Variants in KCP observed in about 807,000 individuals in gnomAD.
The protein encoded by KCP is kielin/chordin-like protein.
A neutral mutation model predicts 212.7 loss-of-function variants in KCP; 194 were observed. That is an observed-to-expected ratio of 0.91 (90% CI 0.81 to 1.03). The LOEUF is 1.03. KCP is among the 50% of genes least tolerant of loss of function. KCP has a pLI of 0.00. For missense variants in KCP, 2,080 were observed against 2,162.5 expected (o/e 0.96, Z 0.76); for synonymous variants, 833 against 865.3 (o/e 0.96, Z 0.65).
intron 16 of KCP, 113 bp from the exon 17 acceptor site, chr7:128,891,932 G>A (rs1794174673): frequency 9.1e-6 from 7 of 768,496 alleles, no homozygotes; most frequent in South Asian, 4.7e-5. Context: ...CGAGGGGAAA[G>A]AGGAGGAAGT....
In KCP at chr7:128,877,768, C is replaced by A. The variant is rs1396667731; in HGVS notation, c.4334G>T (p.Gly1445Val). 6.5e-7 allele frequency: 1 copy of A among 1,549,518 alleles called. No homozygotes were observed. The highest frequency in any genetic ancestry group is 2.0e-5 in the Admixed American group (1 of 50,974). Residue 1445 changes from glycine to valine, a missense_variant, in exon 39 of 40, where the codon GGC (glycine) becomes GTC (valine). Transcript: ENST00000610776. ...SWQVSEGLWPGRPCSAGREVD... is the reference protein window; with the variant it reads ...SWQVSEGLWPVRPCSAGREVD... ...CTCTCGGCCTGCAGAACAGGGCCGG[C>A]CAGGCCACAGCCCCTCTGAGACCTG...
chr7:128,906,200 A>G (rs898073662), intron 5 of KCP, 79 bp downstream of exon 5: 4 of 1,229,728 alleles, frequency 3.3e-6, no homozygotes, highest in Non-Finnish European at 4.7e-6. Flanking sequence ...CATGTCCCAG[A>G]CTCACTGAGG....
intron 8 of KCP, among the ~76,000 whole-genome samples, chr7:128,901,703 G>A (rs1014221546): frequency 1.1e-4 from 16 of 152,068 alleles, no homozygotes; most frequent in South Asian, 4.1e-4. Flanking sequence ...CGAGATCCAA[G>A]AACCCTCTTT....
chr7:128,909,830 C>A (rs1795336806), intron 1 of KCP, among the ~76,000 whole-genome samples: 1 of 152,176 alleles, frequency 6.6e-6, no homozygotes, highest in African/African-American at 2.4e-5. Flanking sequence ...GCCCTCAAAC[C>A]CCAGGTGCCC....
chr7:128,877,324 T>C lies in KCP; in HGVS notation c.4619-13A>G. Reference sequence around the variant, plus strand: ...GGGCAGCCTACCACTGCAGGGGGAGTGGGAGGCGGGGTTACCAAGGCACCT... The same window carrying C: ...GGGCAGCCTACCACTGCAGGGGGAGCGGGAGGCGGGGTTACCAAGGCACCT... On this transcript the variant is annotated splice_polypyrimidine_tract_variant and intron_variant, in intron 39 of 39. Coordinates refer to ENST00000610776, the MANE Select transcript of KCP (RefSeq NM_001366122.1). 6.6e-7 allele frequency: 1 copy of C among 1,525,156 alleles called. No individual in the cohort carries two copies. The highest frequency in any genetic ancestry group is 8.8e-7 in the Non-Finnish European group (1 of 1,138,486). 94.5% of individuals were successfully genotyped at this position (1,525,156 alleles called of 1,614,324 possible).
chr7:128,890,616 CGTGGGGGCTGGAGGTCGTGGGGGCT>C (rs1337580538), intron 20 of KCP, 103 bp from the exon 21 acceptor site: 1 of 147,358 alleles, frequency 6.8e-6, no homozygotes, highest in Non-Finnish European at 1.0e-5. Flanking sequence ...TCGTGGGGGC[CGTGGGGGCTGGAGGTCGTGGGGGCT>C]GGGGGTCCGT....
intron 5 of KCP, among the ~76,000 whole-genome samples, chr7:128,905,592 G>A (rs1795083497): frequency 6.6e-6 from 1 of 152,112 alleles, no homozygotes; most frequent in African/African-American, 2.4e-5. Flanking sequence ...TCACAGCCCC[G>A]ACGCCTCTGT....
Position 128,880,491 on chromosome 7 carries a change from C to T in KCP, c.3654G>A (p.Val1218=), listed in dbSNP as rs192636649. The change falls in exon 34 of 40, where the codon GTG becomes GTA. Residue 1218 remains valine (V), a synonymous_variant. Transcript: ENST00000610776. ...CCACAGTCCAGCGCTCTCCAGAGGC[C>T]ACCTCACGGCCCTGGTGCACGCAGG... The part of the protein sequence containing the change: ...TQSCVHQGRE[V]ASGERWTVDT... 3.3e-6 allele frequency: 5 copies of T among 1,531,318 alleles called. No homozygotes were observed. The highest frequency in any genetic ancestry group is 2.5e-5 in the East Asian group (1 of 40,246). The allele number at this position is 1,531,318 out of a possible 1,614,324, so 94.9% of individuals were successfully genotyped here.
Position 128,892,953 on chromosome 7 carries a change from C to A in KCP, c.1336G>T (p.Ala446Ser). Residue 446 changes from alanine to serine, a missense_variant, in exon 14 of 40, where the codon GCC becomes TCC. Coordinates refer to ENST00000610776, the MANE Select transcript of KCP (RefSeq NM_001366122.1). The stretch of plus-strand genomic sequence containing the variant: ...GGTACCCCATCTTGACAGACGCAGG[C>A]GGTGCAGGGCCGACCATCAGGCTCC... ...QWEPDGRPCT[A>S]CVCQDGVPKC... 3 of 1,343,650 alleles carry A rather than the reference C, an allele frequency of 2.2e-6. No individual in the cohort carries two copies. Among genetic ancestry groups the A allele is most frequent in the Non-Finnish European group, 3.1e-6 (3 of 957,322 alleles). The allele number at this position is 1,343,650 out of a possible 1,614,324, so 83.2% of individuals were successfully genotyped here. A position where few individuals can be genotyped will look rare whatever the true frequency, so the allele number is the denominator to read the frequency against.
chr7:128,908,690 A>T, intron 1 of KCP, 122 bp from the exon 2 acceptor site: 1 of 1,048,112 alleles, frequency 9.5e-7, no homozygotes, highest in East Asian at 2.7e-5. Context: ...GCCCTCTCCA[A>T]TTGCCCACCC....
In KCP at chr7:128,878,461, G is replaced by A. The variant is rs1055390047; in HGVS notation, c.4311+97C>T. 22 of 1,319,124 alleles carry A rather than the reference G, an allele frequency of 1.7e-5. No individual in the cohort carries two copies. In the African/African-American group the frequency reaches 2.4e-4, roughly 14 times the overall value. 81.7% of individuals were successfully genotyped at this position (1,319,124 alleles called of 1,614,324 possible). ...CCAAAAGCCTATCTTGTGTGACTTC[G>A]CCCCCCTTCCCTGCTTTCCATGCCA... On this transcript the variant is annotated intron_variant, in intron 38 of 39. Transcript: ENST00000610776.
chr7:128,879,920 C>T lies in KCP; in HGVS notation c.3925G>A (p.Asp1309Asn), dbSNP rs1366302624. Reference protein sequence around the residue: ...YVLAKDCHSGDFSVHVTNDDR... With the variant: ...YVLAKDCHSGNFSVHVTNDDR... ...GAGACAGGGGATGCACACCTGAAGTCCCCGCTGTGGCAGTCCTTGGCCAGC... is the reference window on the plus strand; with the variant it reads ...GAGACAGGGGATGCACACCTGAAGTTCCCGCTGTGGCAGTCCTTGGCCAGC... The change falls in exon 35 of 40, where the codon GAC becomes AAC. Residue 1309 changes from aspartate to asparagine, a missense_variant. Transcript: ENST00000610776. 1 of 1,551,072 alleles carries T rather than the reference C, an allele frequency of 6.4e-7. No individual in the cohort carries two copies. Among genetic ancestry groups the T allele is most frequent in the Admixed American group, 2.0e-5 (1 of 51,004 alleles).
chr7:128,878,601 C>T lies in KCP; in HGVS notation c.4268G>A (p.Gly1423Glu), dbSNP rs1226501943. 1 of 1,551,504 alleles carries T rather than the reference C, an allele frequency of 6.4e-7. No homozygotes were observed. The highest frequency in any genetic ancestry group is 8.7e-7 in the Non-Finnish European group (1 of 1,146,976). The change falls in exon 38 of 40, where the codon GGG becomes GAG. Residue 1423 changes from glycine (G) to glutamate (E), a missense_variant. Coordinates refer to ENST00000610776, the MANE Select transcript of KCP (RefSeq NM_001366122.1). Reference protein sequence around the residue: ...FAQDDLQGPEGLLLPSEAAFG... With the variant: ...FAQDDLQGPEELLLPSEAAFG... ...CGCAGCCTCCGAGGGCAGGAGCAGC[C>T]CCTCAGGGCCCTGCAGATCGTCCTG...
chr7:128,887,402 CACAG>C (rs1793724972), intron 22 of KCP, 102 bp from the exon 23 acceptor site: 3 of 832,104 alleles, frequency 3.6e-6, no homozygotes, highest in Admixed American at 2.0e-5. Flanking sequence ...CAGCCACAGC[CACAG>C]ACACACACAT....
At chr7:128,887,943 C>CCA (rs1793786904) in intron 22 of KCP, among the ~76,000 whole-genome samples, 1 of 138,016 alleles carries the variant, frequency 7.2e-6, no homozygotes, top group Non-Finnish European at 1.6e-5. Context: ...AAACACATAG[C>CCA]CACACACACA....
chr7:128,881,221 G>C (rs902977067), intron 31 of KCP, 136 bp from the exon 32 acceptor site: 1 of 399,134 alleles, frequency 2.5e-6, no homozygotes, highest in African/African-American at 2.1e-5. Flanking sequence ...GATTTCTTCA[G>C]CCAATATCCA....
chr7:128,892,736 C>T lies in KCP; in HGVS notation c.1479G>A (p.Gly493=), dbSNP rs561834984. 59 of 1,551,704 alleles carry T rather than the reference C, an allele frequency of 3.8e-5. 2 individuals carry two copies. In the South Asian group the frequency reaches 6.9e-4, roughly 18 times the overall value. ...CTYHSQVYAN[G]QNFTDADSPC... ...GGCTGTCTGCATCCGTGAAGTTCTG[C>T]CCATTGGCATACACTTGGCTGTGGT... The change falls in exon 15 of 40, where the codon GGG becomes GGA. Residue 493 remains glycine (G), a synonymous_variant. Transcript: ENST00000610776.
intron 39 of KCP, 31 bp from the exon 40 acceptor site, chr7:128,877,342 A>C: frequency 6.6e-7 from 1 of 1,526,344 alleles, no homozygotes; most frequent in Non-Finnish European, 8.8e-7. Context: ...GGGGTTACCA[A>C]GGCACCTGAA....
intron 18 of KCP, 23 bp from the exon 19 acceptor site, chr7:128,891,301 C>G (rs868312351): frequency 6.5e-7 from 1 of 1,547,512 alleles, no homozygotes; most frequent in African/African-American, 1.4e-5. Flanking sequence ...AGACGCACCA[C>G]GGGTCAGTGG....
Sources: gnomAD v4.1 joint callset for allele counts (sites outside exome capture counted in the v4.1 genomes callset) on GRCh38, gnomAD v4.1.1 for gene constraint, MANE v1.5 for transcripts, NCBI Gene and HGNC (gene_info 2026-07-23, HGNC 2026-07-21) for gene names.